BTRC: variants seen among roughly 807,000 people sequenced by gnomAD.
The protein encoded by BTRC is beta-transducin repeat containing E3 ubiquitin protein ligase.
A neutral mutation model predicts 85.5 loss-of-function variants in BTRC; 42 were observed. The observed-to-expected ratio is 0.49, with a 90% confidence interval of 0.38 to 0.64. BTRC has a LOEUF of 0.64. Among genes scored for constraint, BTRC ranks in the 30% least tolerant of loss-of-function variants. BTRC has a pLI of 0.00. For synonymous variants in BTRC, 255 were observed against 263.3 expected, an observed-to-expected ratio of 0.97 and a Z score of 0.30; for missense variants, 594 against 743.5, an observed-to-expected ratio of 0.80 and a Z score of 2.34.
At chr10:101,513,723 TG>T (rs2061986614) in intron 4 of BTRC, among the ~76,000 whole-genome samples, 1 of 132,340 alleles carries the variant, frequency 7.6e-6, no homozygotes. Flanking sequence ...TTTATTAATA[TG>T]GAAGCAAAAA....
chr10:101,378,526 T>C (rs983277222), intron 1 of BTRC, among the ~76,000 whole-genome samples: 4 of 147,146 alleles, frequency 2.7e-5, no homozygotes, highest in African/African-American at 7.4e-5. Flanking sequence ...TATAATTTTT[T>C]TTTTTTTTTT....
At chr10:101,427,113 C>CTTTTTTTTTTTTTTTT (rs138285266) in intron 1 of BTRC, among the ~76,000 whole-genome samples, 117 of 109,330 alleles carry the variant, frequency 1.1e-3, no homozygotes, top group East Asian at 1.6e-3. Context: ...TTTTTTCTTT[C>CTTTTTTTTTTTTTTTT]TTTTTTTTTT....
chr10:101,473,355 G>A (rs1945587627), intron 3 of BTRC, among the ~76,000 whole-genome samples: 1 of 151,522 alleles, frequency 6.6e-6, no homozygotes. Context: ...CATGAACATG[G>A]CTCACTGCAG....
At chr10:101,543,522 T>G (rs891311755) in intron 13 of BTRC, among the ~76,000 whole-genome samples, 29 of 152,134 alleles carry the variant, frequency 1.9e-4, no homozygotes, top group African/African-American at 6.5e-4. Context: ...TTTAGACCAT[T>G]TATGTAATTT....
At chr10:101,456,137 C>T (rs1159454796) in intron 2 of BTRC, among the ~76,000 whole-genome samples, 4 of 151,284 alleles carry the variant, frequency 2.6e-5, no homozygotes, top group Non-Finnish European at 5.9e-5. Flanking sequence ...CCACTGTCCT[C>T]CAGCCTGGGT....
intron 1 of BTRC, among the ~76,000 whole-genome samples, chr10:101,404,826 A>G (rs1019583485): frequency 6.6e-6 from 1 of 151,838 alleles, no homozygotes; most frequent in African/African-American, 2.4e-5. Flanking sequence ...GTGAAACTCC[A>G]TCTCTACTAA....
chr10:101,484,768 A>G (rs1945938425), intron 4 of BTRC, among the ~76,000 whole-genome samples: 1 of 152,226 alleles, frequency 6.6e-6, no homozygotes, highest in South Asian at 2.1e-4. Flanking sequence ...TGTGTTACAC[A>G]TTGGGCTTAT....
At chr10:101,500,257 A>G (rs11597977) in intron 4 of BTRC, among the ~76,000 whole-genome samples, 8,247 of 152,154 alleles carry the variant, frequency 0.054, 290 homozygotes, top group East Asian at 0.12. Context: ...ACAAACCTGT[A>G]CACCATGTCA....
intron 1 of BTRC, among the ~76,000 whole-genome samples, chr10:101,390,965 T>C (rs1174327651): frequency 1.3e-5 from 2 of 152,222 alleles, no homozygotes; most frequent in African/African-American, 4.8e-5. Context: ...TGGAAAGAAG[T>C]AAATACAAAT....
intron 14 of BTRC, chr10:101,551,150 G>A: frequency 3.1e-6 from 1 of 323,788 alleles, no homozygotes; most frequent in Non-Finnish European, 5.7e-6. Flanking sequence ...TAGTTATCTA[G>A]TAGTACTGTT....
Position 101,532,342 on chromosome 10 carries a change from T to C in BTRC, c.888T>C (p.Ile296=). The change falls in exon 8 of 15, where the codon ATT becomes ATC. Residue 296 remains isoleucine (I), a synonymous_variant. Coordinates refer to ENST00000370187, the MANE Select transcript of BTRC (RefSeq NM_033637.4). ...GTGGAAGACATAGTTTACAGAGAAT[T>C]CACTGCCGAAGTGAAACAAGCAAAG... ...WRCGRHSLQR[I]HCRSETSKGV... 6.2e-7 allele frequency: 1 copy of C among 1,613,744 alleles called. No homozygotes were observed. The highest frequency in any genetic ancestry group is 8.5e-7 in the Non-Finnish European group (1 of 1,179,922).
chr10:101,371,815 G>A (rs926341139), intron 1 of BTRC, among the ~76,000 whole-genome samples: 1 of 152,068 alleles, frequency 6.6e-6, no homozygotes, highest in African/African-American at 2.4e-5. Context: ...TATGGTGTGA[G>A]GTAGACGTCA....
intron 3 of BTRC, among the ~76,000 whole-genome samples, chr10:101,473,383 C>G (rs977134879): frequency 1.3e-5 from 2 of 151,206 alleles, no homozygotes; most frequent in Non-Finnish European, 2.9e-5. Context: ...CTTCTGGGCT[C>G]AAGCAACCGC....
At chr10:101,460,458 C>T (rs1945194774) in intron 2 of BTRC, among the ~76,000 whole-genome samples, 1 of 152,154 alleles carries the variant, frequency 6.6e-6, no homozygotes, top group African/African-American at 2.4e-5. Flanking sequence ...GTTCTTGAGT[C>T]TCTGTCCCTT....
In BTRC at chr10:101,538,388, T is replaced by A; in HGVS notation, c.1656+17T>A. 1 of 1,597,518 alleles carries A rather than the reference T, an allele frequency of 6.3e-7. No homozygotes were observed. The highest frequency in any genetic ancestry group is 8.6e-7 in the Non-Finnish European group (1 of 1,164,894). On this transcript the variant is annotated intron_variant, in intron 13 of 14. Transcript: ENST00000370187. ...ACCCTTGTGGTAAGAGCCTTGCTGT[T>A]TAGAGAGCATTGGAGAGCAGGTGGG...
chr10:101,412,359 G>A (rs368909297), intron 1 of BTRC, among the ~76,000 whole-genome samples: 2 of 152,054 alleles, frequency 1.3e-5, no homozygotes, highest in Non-Finnish European at 2.9e-5. Context: ...CAGTACCTTC[G>A]GGTAGAAGAC....
At chr10:101,373,644 G>A (rs193071982) in intron 1 of BTRC, among the ~76,000 whole-genome samples, 122 of 152,230 alleles carry the variant, frequency 8.0e-4, no homozygotes, top group African/African-American at 2.7e-3. Context: ...AGGGCCGGGC[G>A]CGGTGGTTCA....
intron 4 of BTRC, among the ~76,000 whole-genome samples, chr10:101,504,678 C>T (rs1946474849): frequency 6.6e-6 from 1 of 151,832 alleles, no homozygotes; most frequent in Non-Finnish European, 1.5e-5. Context: ...TTCCCCCTTC[C>T]ATTTCCCTTT....
chr10:101,460,234 A>G (rs962217706), intron 2 of BTRC, among the ~76,000 whole-genome samples: 1 of 152,184 alleles, frequency 6.6e-6, no homozygotes, highest in Non-Finnish European at 1.5e-5. Flanking sequence ...CATTTAAAAA[A>G]AAAAAGTTAA....
Sources: allele counts gnomAD v4.1 joint callset (sites outside exome capture counted in the v4.1 genomes callset), GRCh38; gene constraint gnomAD v4.1.1; transcripts MANE v1.5; gene names NCBI Gene and HGNC (gene_info 2026-07-23, HGNC 2026-07-21).